CAMTA1: variants seen among roughly 807,000 people sequenced by gnomAD.
The protein encoded by CAMTA1 is calmodulin-binding transcription activator 1.
In CAMTA1, 27 loss-of-function variants were observed where a neutral mutation model predicts 170.9. The ratio of observed to expected loss-of-function variants is 0.16; its 90% CI spans 0.12 to 0.22. The LOEUF (loss-of-function observed/expected upper bound fraction) is 0.22. Ranked by LOEUF, CAMTA1 falls within the 10% of genes least tolerant of loss-of-function variation. The pLI is 1.00. For synonymous variants in CAMTA1, 833 were observed against 891.5 expected (o/e 0.93, Z 1.17); for missense variants, 1,619 against 2,217.2 (o/e 0.73, Z 5.42).
chr1:7,736,255 C>T lies in CAMTA1; in HGVS notation c.3067-89C>T, dbSNP rs923035099. On this transcript the variant is annotated intron_variant, in intron 12 of 22. Transcript: ENST00000303635. The surrounding 1 kb of genome is among the most constrained non-coding windows in gnomAD (Gnocchi z 4.5). ...ATGTTTTCCGTTGTGAGTTTCTAAT[C>T]GTAAAGCATTTGTTTCCCCTACATC... 1.0e-5 allele frequency: 11 copies of T among 1,072,158 alleles called. No individual in the cohort carries two copies. The highest frequency in any genetic ancestry group is 1.6e-5 in the African/African-American group (1 of 62,684). 66.4% of individuals were successfully genotyped at this position (1,072,158 alleles called of 1,614,324 possible). A position where few individuals can be genotyped will look rare whatever the true frequency, so the allele number is the denominator to read the frequency against.
At chr1:7,094,691 G>A (rs1181574495) in intron 4 of CAMTA1, among the ~76,000 whole-genome samples, 1 of 152,098 alleles carries the variant, frequency 6.6e-6, no homozygotes, top group Non-Finnish European at 1.5e-5. Context: ...TAATAATGAG[G>A]TGTGCTACAC....
chr1:7,050,487 G>C lies in CAMTA1; in HGVS notation c.235-40817G>C, dbSNP rs192971028. ...AGATGAAGACTCTCAAACAGGCCTT[G>C]GCTGCATCAAACACATCGCGGGGGT... On this transcript the variant is annotated intron_variant, in intron 3 of 22. Transcript: ENST00000303635. The surrounding 1 kb of genome is among the most constrained non-coding windows in gnomAD (Gnocchi z 4.8). Among the ~76,000 whole-genome samples, 1 of 152,142 alleles carries C rather than the reference G, an allele frequency of 6.6e-6. No individual in the cohort carries two copies. The highest frequency in any genetic ancestry group is 1.5e-5 in the Non-Finnish European group (1 of 68,020).
chr1:6,828,929 C>T (rs1324024069), intron 3 of CAMTA1, among the ~76,000 whole-genome samples: 5 of 133,956 alleles, frequency 3.7e-5, no homozygotes, highest in African/African-American at 1.1e-4. Context: ...CAGAGTCTCA[C>T]TCTGTTGCCC....
At chr1:7,230,141 G>C (rs1662461782) in intron 4 of CAMTA1, among the ~76,000 whole-genome samples, 1 of 152,068 alleles carries the variant, frequency 6.6e-6, no homozygotes, top group Admixed American at 6.5e-5. Context: ...GGAAAGCCCA[G>C]CCTGGCCTGG....
At chr1:7,706,293 C>T (rs928544861) in intron 11 of CAMTA1, among the ~76,000 whole-genome samples, 1 of 152,182 alleles carries the variant, frequency 6.6e-6, no homozygotes, top group Non-Finnish European at 1.5e-5. Context: ...TGTTTGGTTG[C>T]TTGAATGAAT....
At chr1:7,108,194 G>A (rs948317018) in intron 4 of CAMTA1, among the ~76,000 whole-genome samples, 2 of 152,142 alleles carry the variant, frequency 1.3e-5, no homozygotes, top group African/African-American at 2.4e-5. Flanking sequence ...CTACCGAAGC[G>A]CTTGGTGGTC....
At chr1:7,623,680 G>A (rs893276852) in intron 6 of CAMTA1, among the ~76,000 whole-genome samples, 2 of 152,224 alleles carry the variant, frequency 1.3e-5, no homozygotes, top group African/African-American at 4.8e-5. Flanking sequence ...GTATTTTCAG[G>A]AGAGATGGGA....
intron 5 of CAMTA1, among the ~76,000 whole-genome samples, chr1:7,411,986 C>T (rs2090807701): frequency 6.7e-6 from 1 of 148,686 alleles, no homozygotes; most frequent in South Asian, 2.2e-4. Context: ...TCAATTCCCA[C>T]CTATGAGTGA....
intron 3 of CAMTA1, among the ~76,000 whole-genome samples, chr1:7,072,618 G>A (rs78527856): frequency 6.6e-6 from 1 of 152,194 alleles, no homozygotes; most frequent in African/African-American, 2.4e-5. Flanking sequence ...CGACTGTGGA[G>A]AAAAAAGAAA....
At chr1:7,493,294 C>T (rs1286510737) in intron 6 of CAMTA1, among the ~76,000 whole-genome samples, 1 of 135,484 alleles carries the variant, frequency 7.4e-6, no homozygotes, top group Non-Finnish European at 1.5e-5. Context: ...CGCACAAACA[C>T]AAACATACAA....
chr1:7,640,602 G>A (rs1204623481), intron 7 of CAMTA1, 49 bp downstream of exon 7: 1 of 1,611,392 alleles, frequency 6.2e-7, no homozygotes, highest in East Asian at 2.2e-5. Context: ...AACCAGGCTG[G>A]CATCAACCAG....
intron 7 of CAMTA1, among the ~76,000 whole-genome samples, chr1:7,659,110 A>G (rs1267653018): frequency 6.6e-6 from 1 of 152,224 alleles, no homozygotes; most frequent in Non-Finnish European, 1.5e-5. Flanking sequence ...GAGCCTCTTC[A>G]GAGTGAAGCA....
At chr1:7,457,539 C>T (rs540746872) in intron 5 of CAMTA1, among the ~76,000 whole-genome samples, 140 of 152,188 alleles carry the variant, frequency 9.2e-4, no homozygotes, top group Middle Eastern at 3.4e-3. Context: ...CTCAGTGTCC[C>T]CGGGCCAGGC....
At chr1:7,469,073 C>T (rs1291485501) in intron 6 of CAMTA1, among the ~76,000 whole-genome samples, 1 of 152,228 alleles carries the variant, frequency 6.6e-6, no homozygotes. Flanking sequence ...CATTCTCCCT[C>T]AGTTCCCAGA....
chr1:7,067,357 T>A lies in CAMTA1; in HGVS notation c.235-23947T>A, dbSNP rs1205191129. Among the ~76,000 whole-genome samples the A allele has an allele frequency of 2.6e-5, 4 of 152,258 alleles. No homozygotes were observed. Among genetic ancestry groups the A allele is most frequent in the Non-Finnish European group, 5.9e-5 (4 of 68,048 alleles). On this transcript the variant is annotated intron_variant, in intron 3 of 22. Coordinates refer to ENST00000303635, the MANE Select transcript of CAMTA1 (RefSeq NM_015215.4). This position sits in a 1 kb window ranked among gnomAD's most constrained non-coding sequence, Gnocchi z 4.3. ...TTAACTCCTTAGGAAGTTCCCTGTC[T>A]TTAAGCATTGTCTTTCTTTAAACAG... is the stretch of plus-strand genomic sequence containing the variant.
chr1:7,619,312 G>A (rs1165147478), intron 6 of CAMTA1, among the ~76,000 whole-genome samples: 1 of 152,158 alleles, frequency 6.6e-6, no homozygotes, highest in African/African-American at 2.4e-5. Flanking sequence ...CGAACTGCAG[G>A]GTCAGCCTAT....
chr1:6,804,587 T>C (rs1644292917), intron 1 of CAMTA1, among the ~76,000 whole-genome samples: 1 of 152,224 alleles, frequency 6.6e-6, no homozygotes, highest in African/African-American at 2.4e-5. Context: ...ACATTTCATA[T>C]AAATAGAATC....
At chr1:7,166,073 CTT>C (rs951058079) in intron 4 of CAMTA1, among the ~76,000 whole-genome samples, 1 of 146,136 alleles carries the variant, frequency 6.8e-6, no homozygotes. Context: ...TGGATACTCT[CTT>C]TTTTTTTTTG....
At chr1:7,209,051 C>T (rs1359006823) in intron 4 of CAMTA1, among the ~76,000 whole-genome samples, 1 of 152,114 alleles carries the variant, frequency 6.6e-6, no homozygotes, top group Non-Finnish European at 1.5e-5. Flanking sequence ...CAAGGCCCCA[C>T]CCTTTCTCCT....
Sources: allele counts gnomAD v4.1 joint callset (sites outside exome capture counted in the v4.1 genomes callset), GRCh38; gene constraint gnomAD v4.1.1; non-coding constraint Gnocchi (gnomAD v3.1); transcripts MANE v1.5; gene names NCBI Gene and HGNC (gene_info 2026-07-23, HGNC 2026-07-21).